Variants in H6PD observed in about 807,000 individuals in gnomAD.
H6PD encodes the protein GDH/6PGL endoplasmic bifunctional protein.
In H6PD, 48 loss-of-function variants were observed where a neutral mutation model predicts 61.2. The observed-to-expected ratio is 0.78, with a 90% CI of 0.62 to 1.00. H6PD has a LOEUF of 1.00. Among genes scored for constraint, H6PD ranks in the 50% least tolerant of loss-of-function variants. The pLI is 0.00. For missense variants in H6PD, 1,093 were observed against 1,065.0 expected, an observed-to-expected ratio of 1.03 and a Z score of -0.37; for synonymous variants, 480 against 457.9, an observed-to-expected ratio of 1.05 and a Z score of -0.62.
chr1:9,263,074 A>G (rs1638386033), intron 4 of H6PD, among the ~76,000 whole-genome samples: 2 of 151,934 alleles, frequency 1.3e-5, no homozygotes, highest in African/African-American at 2.4e-5. Context: ...CGCACCTCTG[A>G]CCCTGCGTCG....
chr1:9,266,577 C>T lies in H6PD; in HGVS notation c.*1708C>T, dbSNP rs749395459. On this transcript the variant is annotated 3_prime_UTR_variant, in exon 5 of 5. Transcript: ENST00000377403. ...GGTCGATTTTTCTGTCTGGCTTCTCCGCACCTTCCACTTGCTCTCTGGATC... is the reference window on the plus strand; with the variant it reads ...GGTCGATTTTTCTGTCTGGCTTCTCTGCACCTTCCACTTGCTCTCTGGATC... 1 of 152,220 alleles carries T rather than the reference C, an allele frequency of 6.6e-6. No homozygotes were observed. Among genetic ancestry groups the T allele is most frequent in the Non-Finnish European group, 1.5e-5 (1 of 68,056 alleles). 9.4% of individuals were successfully genotyped at this position (152,220 alleles called of 1,614,324 possible).
In H6PD at chr1:9,267,580, A is replaced by C. The variant is rs1638609804; in HGVS notation, c.*2711A>C. On this transcript the variant is annotated 3_prime_UTR_variant, in exon 5 of 5. Coordinates refer to ENST00000377403, the MANE Select transcript of H6PD (RefSeq NM_004285.4). ...TCTAACTCAGCCCTGCCTCGGATGC[A>C]CCACCGATCTGTGCAGAGTGGGTGT... 6.6e-6 allele frequency: 1 copy of C among 152,258 alleles called. No homozygotes were observed. Among genetic ancestry groups the C allele is most frequent in the African/African-American group, 2.4e-5 (1 of 41,456 alleles). The allele number at this position is 152,258 out of a possible 1,614,324, so 9.4% of individuals were successfully genotyped here.
intron 3 of H6PD, among the ~76,000 whole-genome samples, chr1:9,258,577 T>C (rs1641600496): frequency 6.6e-6 from 1 of 152,206 alleles, no homozygotes; most frequent in African/African-American, 2.4e-5. Context: ...GTTATATTGT[T>C]ATGCTGGTGT....
At chr1:9,238,609 T>C (rs1640913617) in intron 1 of H6PD, among the ~76,000 whole-genome samples, 2 of 152,076 alleles carry the variant, frequency 1.3e-5, no homozygotes, top group South Asian at 4.2e-4. Context: ...AAAGATAGAG[T>C]TGTCATTTAC....
At chr1:9,252,320 A>G (rs1313550588) in intron 3 of H6PD, among the ~76,000 whole-genome samples, 2 of 152,166 alleles carry the variant, frequency 1.3e-5, no homozygotes, top group Non-Finnish European at 2.9e-5. Flanking sequence ...TAATATTTAT[A>G]TTTCTGTTCA....
At chr1:9,249,664 T>C (rs1641299119) in intron 3 of H6PD, among the ~76,000 whole-genome samples, 1 of 152,154 alleles carries the variant, frequency 6.6e-6, no homozygotes, top group African/African-American at 2.4e-5. Context: ...CAGTGGGAGA[T>C]CCACTAGTCC....
rs575597887 is a variant in H6PD at position 9,262,184 on chromosome 1, C to A, written c.871C>A (p.Arg291=). 1 of 1,614,200 alleles carries A rather than the reference C, an allele frequency of 6.2e-7. No individual in the cohort carries two copies. The highest frequency in any genetic ancestry group is 1.1e-5 in the South Asian group (1 of 91,086). The change falls in exon 4 of 5, where the codon CGG becomes AGG. Residue 291 remains arginine (R), a synonymous_variant. Transcript: ENST00000377403. ...HNVSSAEAVL[R]HKLQVFQALR... ...TGTCAGCAGTGCGGAGGCTGTGCTG[C>A]GGCACAAGCTTCAGGTCTTCCAGGC...
intron 1 of H6PD, among the ~76,000 whole-genome samples, chr1:9,243,127 C>T (rs573822611): frequency 6.6e-6 from 1 of 152,064 alleles, no homozygotes; most frequent in African/African-American, 2.4e-5. Flanking sequence ...TGGGTCCTCA[C>T]CTTGGGTTGG....
Position 9,265,549 on chromosome 1 carries a change from G to A in H6PD, c.*680G>A, listed in dbSNP as rs145812060. ...GTAGGAATTCCAGGCTCCTCCCTGT[G>A]TCTTTGCTGTTCTTCAGACTCCATT... On this transcript the variant is annotated 3_prime_UTR_variant, in exon 5 of 5. Coordinates refer to ENST00000377403, the MANE Select transcript of H6PD (RefSeq NM_004285.4). 3 of 160,614 alleles carry A rather than the reference G, an allele frequency of 1.9e-5. No homozygotes were observed. Among genetic ancestry groups the A allele is most frequent in the African/African-American group, 7.2e-5 (3 of 41,554 alleles). The allele number at this position is 160,614 out of a possible 1,614,324, so 9.9% of individuals were successfully genotyped here.
At chr1:9,247,468 C>T (rs933449052) in intron 3 of H6PD, among the ~76,000 whole-genome samples, 13 of 152,116 alleles carry the variant, frequency 8.5e-5, no homozygotes, top group African/African-American at 2.9e-4. Context: ...CTCCCCCTCG[C>T]GTCCCCCTCA....
intron 3 of H6PD, among the ~76,000 whole-genome samples, chr1:9,260,912 G>A (rs1240240227): frequency 6.6e-6 from 1 of 151,920 alleles, no homozygotes; most frequent in African/African-American, 2.4e-5. Flanking sequence ...GTCTGTGAGC[G>A]CCTCCACTGC....
chr1:9,256,781 G>T (rs1203834278), intron 3 of H6PD, among the ~76,000 whole-genome samples: 1 of 152,148 alleles, frequency 6.6e-6, no homozygotes, highest in African/African-American at 2.4e-5. Context: ...TTTTAAAAAA[G>T]AATTTGATTC....
At chr1:9,238,864 C>T (rs1454897766) in intron 1 of H6PD, among the ~76,000 whole-genome samples, 3 of 152,104 alleles carry the variant, frequency 2.0e-5, no homozygotes, top group Non-Finnish European at 4.4e-5. Flanking sequence ...GATTTATAGC[C>T]TTTGCCTATA....
intron 3 of H6PD, among the ~76,000 whole-genome samples, chr1:9,255,821 C>T (rs1641499550): frequency 6.6e-6 from 1 of 152,204 alleles, no homozygotes; most frequent in Admixed American, 6.5e-5. Context: ...ATTGGAATCT[C>T]TGAGCTTTGC....
At chr1:9,262,399 G>A (rs996071158) in intron 4 of H6PD, 71 bp downstream of exon 4, 35 of 1,394,904 alleles carry the variant, frequency 2.5e-5, no homozygotes, top group Admixed American at 1.2e-4. Flanking sequence ...AAATGCAGAC[G>A]CCCTTGGGTG....
intron 3 of H6PD, among the ~76,000 whole-genome samples, 194 bp downstream of exon 3, chr1:9,247,277 A>G (rs997757070): frequency 2.0e-5 from 3 of 152,264 alleles, no homozygotes; most frequent in Admixed American, 2.0e-4. Flanking sequence ...ATTGCTGCCC[A>G]TGAGGAGCGT....
At position 9,245,696 on chromosome 1, in the gene H6PD, G is replaced by A; in HGVS notation, c.627+135G>A. Reference sequence around the variant, plus strand: ...TCAGAGCTCCCATGGTCTCCTTGAAGGTGGGCAGGAGGCGAGCGGGTAAAG... The same window carrying A: ...TCAGAGCTCCCATGGTCTCCTTGAAAGTGGGCAGGAGGCGAGCGGGTAAAG... On this transcript the variant is annotated intron_variant, in intron 2 of 4. Coordinates refer to ENST00000377403, the MANE Select transcript of H6PD (RefSeq NM_004285.4). The surrounding 1 kb of genome is among the most constrained non-coding windows in gnomAD (Gnocchi z 4.8). The A allele has an allele frequency of 2.2e-6, 2 of 910,054 alleles. No homozygotes were observed. The allele number at this position is 910,054 out of a possible 1,614,324, so 56.4% of individuals were successfully genotyped here.
intron 1 of H6PD, among the ~76,000 whole-genome samples, chr1:9,237,635 T>C (rs890440447): frequency 1.3e-5 from 2 of 152,194 alleles, no homozygotes; most frequent in African/African-American, 2.4e-5. Flanking sequence ...ATTTAAATGG[T>C]GTGATGCATG....
At position 9,244,922 on chromosome 1, in the gene H6PD, C is replaced by T. The variant is rs1641112896; in HGVS notation, c.-10-3C>T. On this transcript the variant is annotated splice_polypyrimidine_tract_variant and splice_region_variant and intron_variant, in intron 1 of 4. Coordinates refer to ENST00000377403, the MANE Select transcript of H6PD (RefSeq NM_004285.4). ...TCCTCGTCTGTCTCTCTTTGCACCCCAGGCACCCAGGCATGTGGAATATGC... is the reference window on the plus strand; with the variant it reads ...TCCTCGTCTGTCTCTCTTTGCACCCTAGGCACCCAGGCATGTGGAATATGC... 1 of 1,182,188 alleles carries T rather than the reference C, an allele frequency of 8.5e-7. No individual in the cohort carries two copies. The highest frequency in any genetic ancestry group is 3.3e-5 in the Admixed American group (1 of 30,742). 73.2% of individuals were successfully genotyped at this position (1,182,188 alleles called of 1,614,324 possible).
Sources: allele counts gnomAD v4.1 joint callset (sites outside exome capture counted in the v4.1 genomes callset), GRCh38; gene constraint gnomAD v4.1.1; non-coding constraint Gnocchi (gnomAD v3.1); transcripts MANE v1.5; gene names NCBI Gene and HGNC (gene_info 2026-07-23, HGNC 2026-07-21).